RBFOX3: variants seen among roughly 807,000 people sequenced by gnomAD.
RBFOX3 encodes the protein RNA binding protein fox-1 homolog 3.
RBFOX3 carries 17 observed loss-of-function variants against 48.7 expected under a neutral mutation model. That is an observed-to-expected ratio of 0.35 (90% CI 0.24 to 0.52). The LOEUF is 0.52. RBFOX3 is among the 20% of genes least tolerant of loss of function. The probability of loss-of-function intolerance (pLI) is 0.94; values close to 1 mark genes in which losing one functional copy is unlikely to be tolerated. For missense variants in RBFOX3, 382 were observed against 497.5 expected, an observed-to-expected ratio of 0.77 and a Z score of 2.21; for synonymous variants, 212 against 209.5, an observed-to-expected ratio of 1.01 and a Z score of -0.10.
intron 1 of RBFOX3, among the ~76,000 whole-genome samples, chr17:79,558,245 C>G (rs1230889847): frequency 6.6e-6 from 1 of 152,202 alleles, no homozygotes; most frequent in Admixed American, 6.5e-5. Flanking sequence ...GGGTGGCCGC[C>G]TTTGCTCTGA....
At chr17:79,167,739 G>C (rs2048314354) in intron 4 of RBFOX3, among the ~76,000 whole-genome samples, 1 of 152,190 alleles carries the variant, frequency 6.6e-6, no homozygotes. Context: ...GCTGCCCTGG[G>C]GCCTCTTCAA....
chr17:79,563,123 A>G (rs1257534168), intron 1 of RBFOX3, among the ~76,000 whole-genome samples: 1 of 152,232 alleles, frequency 6.6e-6, no homozygotes, highest in Non-Finnish European at 1.5e-5. Context: ...TTTGAAATGA[A>G]GCGGATCTCA....
At chr17:79,112,562 C>T (rs2146891510) in intron 5 of RBFOX3, among the ~76,000 whole-genome samples, 1 of 152,224 alleles carries the variant, frequency 6.6e-6, no homozygotes, top group East Asian at 1.9e-4. Context: ...GCTGCAGGGG[C>T]CACTGCTCTC....
chr17:79,469,086 G>C (rs2076735529), intron 2 of RBFOX3, among the ~76,000 whole-genome samples: 1 of 152,154 alleles, frequency 6.6e-6, no homozygotes, highest in Admixed American at 6.5e-5. Flanking sequence ...CAGATAGATA[G>C]ATAGATGGAT....
chr17:79,663,648 G>A, the RBFOX3 span, among the ~76,000 whole-genome samples: 1 of 152,186 alleles, frequency 6.6e-6, no homozygotes, highest in Non-Finnish European at 1.5e-5. Context: ...TACTACTTGT[G>A]TGTAACTTGC....
intron 2 of RBFOX3, among the ~76,000 whole-genome samples, chr17:79,440,647 C>A (rs2070697269): frequency 6.6e-6 from 1 of 152,190 alleles, no homozygotes; most frequent in African/African-American, 2.4e-5. Context: ...GACCCCGGAC[C>A]ATGCCCCTCG....
chr17:79,120,295 CGTACGTAT>C (rs2035334632), intron 4 of RBFOX3, among the ~76,000 whole-genome samples: 2 of 152,092 alleles, frequency 1.3e-5, no homozygotes, highest in Admixed American at 1.3e-4. Flanking sequence ...GGTGGATGTA[CGTACGTAT>C]GTACGTATGT....
intron 3 of RBFOX3, among the ~76,000 whole-genome samples, chr17:79,264,443 G>A (rs1436314058): frequency 2.0e-5 from 3 of 151,644 alleles, no homozygotes; most frequent in Non-Finnish European, 2.9e-5. Context: ...GGGCTCAAGC[G>A]ATTCTCCTGC....
intron 4 of RBFOX3, among the ~76,000 whole-genome samples, chr17:79,186,137 G>C (rs996783635): frequency 6.6e-6 from 1 of 152,210 alleles, no homozygotes; most frequent in Non-Finnish European, 1.5e-5. Context: ...CCAGCCACCT[G>C]CCTTCCAGCC....
rs541636654 is a variant in RBFOX3, at chr17:79,342,630, C to T, written c.-174-34806G>A. 7.2e-5 allele frequency among the ~76,000 whole-genome samples: 11 copies of T among 152,242 alleles called. No homozygotes were observed. In the South Asian group the frequency reaches 2.1e-3, roughly 29 times the overall value. On this transcript the variant is annotated intron_variant, in intron 2 of 14. Transcript: ENST00000693108. ...GTGCTTTAGCCGTGCAGGTCAGAGT[C>T]GAAGGATGACCTGGAGGAACTGCTG...
At chr17:79,606,581 C>A (rs1298384563) in intron 1 of RBFOX3, among the ~76,000 whole-genome samples, 1 of 152,194 alleles carries the variant, frequency 6.6e-6, no homozygotes, top group Non-Finnish European at 1.5e-5. Flanking sequence ...TGGTGTCAGT[C>A]TATGTGTTGG....
At chr17:79,640,716 T>C in the RBFOX3 span, among the ~76,000 whole-genome samples, 1 of 152,142 alleles carries the variant, frequency 6.6e-6, no homozygotes, top group African/African-American at 2.4e-5. Flanking sequence ...GCTAATCTCT[T>C]TAATAACTGG....
intron 3 of RBFOX3, among the ~76,000 whole-genome samples, chr17:79,302,597 G>A (rs2075490660): frequency 6.6e-6 from 1 of 152,028 alleles, no homozygotes; most frequent in Admixed American, 6.6e-5. Context: ...AGGAGAATCA[G>A]TTGAACCTGG....
chr17:79,097,569 G>GCGA, intron 10 of RBFOX3, 123 bp downstream of exon 10: 1 of 1,372,318 alleles, frequency 7.3e-7, no homozygotes, highest in Admixed American at 2.6e-5. Flanking sequence ...AGTCAACACG[G>GCGA]CGACGGGAGG....
intron 4 of RBFOX3, among the ~76,000 whole-genome samples, chr17:79,223,834 C>T (rs1001371805): frequency 6.6e-6 from 1 of 152,154 alleles, no homozygotes; most frequent in South Asian, 2.1e-4. Context: ...AAGCAAACAA[C>T]ACTTTCAATA....
chr17:79,191,080 G>C (rs1014115970), intron 4 of RBFOX3, among the ~76,000 whole-genome samples: 1 of 152,220 alleles, frequency 6.6e-6, no homozygotes, highest in Non-Finnish European at 1.5e-5. Context: ...TCAACAGCGG[G>C]TGGGTCTGAG....
intron 2 of RBFOX3, among the ~76,000 whole-genome samples, chr17:79,358,146 A>C (rs2085573792): frequency 6.6e-6 from 1 of 152,076 alleles, no homozygotes; most frequent in Admixed American, 6.5e-5. Context: ...GGGTCCACCT[A>C]TGTTGCCCAA....
chr17:79,243,479 T>TTG lies in RBFOX3; in HGVS notation c.-73-7676_-73-7675dup, dbSNP rs1567904729. On this transcript the variant is annotated intron_variant, in intron 3 of 14. Coordinates refer to ENST00000693108, the MANE Select transcript of RBFOX3 (RefSeq NM_001350451.2). This position sits in a 1 kb window ranked among gnomAD's most constrained non-coding sequence, Gnocchi z 7.9. ...TGGGCTTTGCAAAGCCCATGTGCCT[T>TTG]TGCCCTGGGGTGTCATTTGGGACTG... Among the ~76,000 whole-genome samples, 1 of 152,164 alleles carries TTG rather than the reference T, an allele frequency of 6.6e-6. No individual in the cohort carries two copies. The highest frequency in any genetic ancestry group is 1.5e-5 in the Non-Finnish European group (1 of 68,034).
chr17:79,651,457 C>A, the RBFOX3 span, among the ~76,000 whole-genome samples: 1 of 152,220 alleles, frequency 6.6e-6, no homozygotes, highest in Non-Finnish European at 1.5e-5. Context: ...GGTGGTGACA[C>A]CCCCGGGCCG....
Sources: allele counts gnomAD v4.1 joint callset (sites outside exome capture counted in the v4.1 genomes callset), GRCh38; gene constraint gnomAD v4.1.1; non-coding constraint Gnocchi (gnomAD v3.1); transcripts MANE v1.5; gene names NCBI Gene and HGNC (gene_info 2026-07-23, HGNC 2026-07-21).